The following FBLN7 variants were observed in gnomAD, a reference collection of about 807,000 sequenced individuals.
FBLN7 encodes fibulin-7.
Under a neutral mutation model 44.0 loss-of-function variants are expected in FBLN7, and 31 were observed. The ratio of observed to expected loss-of-function variants is 0.70; its 90% CI spans 0.53 to 0.95. The LOEUF is 0.95. FBLN7 is among the 40% of genes least tolerant of loss of function. FBLN7 has a pLI of 0.00. For synonymous variants in FBLN7, 262 were observed against 253.4 expected (o/e 1.03, Z -0.32); for missense variants, 573 against 618.5 (o/e 0.93, Z 0.78).
chr2:112,163,791 C>G (rs1169375242), intron 2 of FBLN7, among the ~76,000 whole-genome samples: 1 of 152,178 alleles, frequency 6.6e-6, no homozygotes, highest in African/African-American at 2.4e-5. Context: ...TTTCCAATGC[C>G]CCGTGTAACT....
chr2:112,226,357 G>T, the FBLN7 span, among the ~76,000 whole-genome samples: 28 of 152,102 alleles, frequency 1.8e-4, no homozygotes, highest in African/African-American at 6.5e-4. Context: ...GGGAGGCTGA[G>T]GCGGGCAGAT....
downstream of FBLN7, among the ~76,000 whole-genome samples, chr2:112,191,555 A>G (rs1409567523): frequency 6.6e-6 from 1 of 152,024 alleles, no homozygotes; most frequent in Non-Finnish European, 1.5e-5. Flanking sequence ...TCTAAACATC[A>G]CCAAAATAAC....
Position 112,159,805 on chromosome 2 carries a change from G to C in FBLN7, c.205G>C (p.Val69Leu). ...CCGGCTGGCCGCGCTGCAGAACTCT[G>C]TGGGCAGGGTGGGCCCAGATGCCCT... The part of the protein sequence containing the change: ...KSRLAALQNS[V>L]GRVGPDALPV... Residue 69 changes from valine (V) to leucine (L), a missense_variant, in exon 2 of 8, where the codon GTG (valine) becomes CTG (leucine). Coordinates refer to ENST00000331203, the MANE Select transcript of FBLN7 (RefSeq NM_153214.3). The C allele has an allele frequency of 6.4e-7, 1 of 1,574,752 alleles. No individual in the cohort carries two copies. Among genetic ancestry groups the C allele is most frequent in the African/African-American group, 1.4e-5 (1 of 73,664 alleles).
At chr2:112,155,546 C>A (rs1430856845) in intron 1 of FBLN7, among the ~76,000 whole-genome samples, 6 of 152,252 alleles carry the variant, frequency 3.9e-5, no homozygotes, top group Non-Finnish European at 8.8e-5. Context: ...ACAGCCTCCT[C>A]ACCTTCCCTC....
the FBLN7 span, among the ~76,000 whole-genome samples, chr2:112,210,774 T>A: frequency 0.018 from 2,798 of 152,164 alleles, 88 homozygotes; most frequent in African/African-American, 0.063. Flanking sequence ...TGTGTACATT[T>A]ATACATACAC....
the FBLN7 span, among the ~76,000 whole-genome samples, chr2:112,208,210 G>A: frequency 6.6e-6 from 1 of 152,112 alleles, no homozygotes; most frequent in African/African-American, 2.4e-5. Flanking sequence ...GACCAGCCTG[G>A]CCGACATGGT....
chr2:112,161,358 C>T (rs1479506990), intron 2 of FBLN7, among the ~76,000 whole-genome samples: 2 of 152,176 alleles, frequency 1.3e-5, no homozygotes, highest in Admixed American at 1.3e-4. Flanking sequence ...CTCAACGGCA[C>T]TGAGTCCGTT....
At chr2:112,200,069 A>G in the FBLN7 span, among the ~76,000 whole-genome samples, 1 of 151,996 alleles carries the variant, frequency 6.6e-6, no homozygotes, top group Non-Finnish European at 1.5e-5. Context: ...CCCATATGCA[A>G]CCTCTTTTGC....
In FBLN7 at chr2:112,170,267, C is replaced by CAGAAA. The variant is rs367719806; in HGVS notation, c.406+5113_406+5117dup. Among the ~76,000 whole-genome samples the CAGAAA allele has an allele frequency of 5.5e-3, 799 of 146,440 alleles. 6 individuals are homozygous for CAGAAA. Among genetic ancestry groups the CAGAAA allele is most frequent in the Middle Eastern group, 0.023 (6 of 262 alleles). ...CAAACAAAACAAAACAAAACAAAAACAGAAAAGAAAAGAAAAGAAAAAGAA... is the reference window on the plus strand; with the variant it reads ...CAAACAAAACAAAACAAAACAAAAACAGAAAAGAAAAGAAAAGAAAAGAAAAAGAA... On this transcript the variant is annotated intron_variant, in intron 3 of 7. Transcript: ENST00000331203.
At chr2:112,244,505 G>A in the FBLN7 span, among the ~76,000 whole-genome samples, 2 of 152,174 alleles carry the variant, frequency 1.3e-5, no homozygotes, top group Admixed American at 6.5e-5. Context: ...TATCTACAAA[G>A]AAAGTTATAG....
chr2:112,160,746 G>GCGCACACACA (rs1681766186), intron 2 of FBLN7, among the ~76,000 whole-genome samples: 1 of 86,214 alleles, frequency 1.2e-5, no homozygotes, highest in Non-Finnish European at 2.6e-5. Context: ...ACGCACACAC[G>GCGCACACACA]CGCACGCACA....
chr2:112,140,557 G>A (rs1205570072), intron 1 of FBLN7, among the ~76,000 whole-genome samples: 1 of 152,196 alleles, frequency 6.6e-6, no homozygotes, highest in African/African-American at 2.4e-5. Flanking sequence ...CTGCGAAAGC[G>A]TCGGTCCATT....
the FBLN7 span, among the ~76,000 whole-genome samples, chr2:112,243,633 T>G: frequency 6.6e-6 from 1 of 151,454 alleles, no homozygotes; most frequent in Admixed American, 6.6e-5. Context: ...ATTATTATTA[T>G]GTACTGAAGT....
At chr2:112,161,662 T>C (rs1040122926) in intron 2 of FBLN7, among the ~76,000 whole-genome samples, 1 of 151,042 alleles carries the variant, frequency 6.6e-6, no homozygotes, top group Non-Finnish European at 1.5e-5. Flanking sequence ...CCCCTGCCCA[T>C]GTGAGAGGGC....
the FBLN7 span, among the ~76,000 whole-genome samples, chr2:112,195,653 T>G: frequency 6.6e-6 from 1 of 152,300 alleles, no homozygotes; most frequent in African/African-American, 2.4e-5. Context: ...ATGCTGGACT[T>G]GCTGTTATGT....
At chr2:112,237,930 TAGA>T in the FBLN7 span, among the ~76,000 whole-genome samples, 1 of 152,212 alleles carries the variant, frequency 6.6e-6, no homozygotes, top group Non-Finnish European at 1.5e-5. Flanking sequence ...TTTAGTAATC[TAGA>T]AGAATATATT....
chr2:112,195,600 A>G, the FBLN7 span, among the ~76,000 whole-genome samples: 3 of 152,156 alleles, frequency 2.0e-5, no homozygotes, highest in African/African-American at 7.2e-5. Flanking sequence ...TGAAAGCTGT[A>G]GGAGGCAAGA....
Position 112,138,516 on chromosome 2 carries a change from G to A in FBLN7, c.-140G>A. 2 of 1,160,158 alleles carry A rather than the reference G, an allele frequency of 1.7e-6. No individual in the cohort carries two copies. Among genetic ancestry groups the A allele is most frequent in the Non-Finnish European group, 1.2e-6 (1 of 865,162 alleles). 71.9% of individuals were successfully genotyped at this position (1,160,158 alleles called of 1,614,324 possible). On this transcript the variant is annotated 5_prime_UTR_variant, in exon 1 of 8. Coordinates refer to ENST00000331203, the MANE Select transcript of FBLN7 (RefSeq NM_153214.3). ...GGACGCGCTGCGCTCGGGGCCTCCC[G>A]CCTCCCCCCCTGCCCCAGCCGCCCC...
At chr2:112,185,459 G>A in intron 7 of FBLN7, 120 bp downstream of exon 7, 1 of 1,316,732 alleles carries the variant, frequency 7.6e-7, no homozygotes, top group Non-Finnish European at 1.0e-6. Context: ...AGAGGCAGGA[G>A]GCTGGGAGGC....
Sources: allele counts gnomAD v4.1 joint callset (sites outside exome capture counted in the v4.1 genomes callset), GRCh38; gene constraint gnomAD v4.1.1; transcripts MANE v1.5; gene names NCBI Gene and HGNC (gene_info 2026-07-23, HGNC 2026-07-21).